TFAP2E: variants seen among roughly 807,000 people sequenced by gnomAD.
TFAP2E encodes the protein transcription factor AP-2 epsilon.
A neutral mutation model predicts 37.9 loss-of-function variants in TFAP2E; 30 were observed. The ratio of observed to expected loss-of-function variants is 0.79; its 90% CI spans 0.59 to 1.07. The LOEUF is 1.07. TFAP2E is among the 50% of genes least tolerant of loss of function. The pLI is 0.00. For missense variants in TFAP2E, 567 were observed against 637.9 expected, an observed-to-expected ratio of 0.89 and a Z score of 1.20; for synonymous variants, 318 against 295.8, an observed-to-expected ratio of 1.08 and a Z score of -0.77.
In TFAP2E at chr1:35,588,701, T is replaced by A; in HGVS notation, c.785+149T>A. 4.8e-6 allele frequency: 4 copies of A among 836,120 alleles called. No homozygotes were observed. The highest frequency in any genetic ancestry group is 5.2e-6 in the Non-Finnish European group (3 of 572,638). The allele number at this position is 836,120 out of a possible 1,614,324, so 51.8% of individuals were successfully genotyped here. On this transcript the variant is annotated intron_variant, in intron 4 of 6. Transcript: ENST00000373235. The surrounding 1 kb of genome is among the most constrained non-coding windows in gnomAD (Gnocchi z 5.1). ...GGCCCCGGGGACTCTGGATTGTGCA[T>A]GTTGTGGGGGCCGGCCCAGGTCCCT... is the stretch of plus-strand genomic sequence containing the variant.
intron 3 of TFAP2E, among the ~76,000 whole-genome samples, chr1:35,582,237 C>T (rs1339844100): frequency 6.6e-6 from 1 of 152,014 alleles, no homozygotes; most frequent in Non-Finnish European, 1.5e-5. Flanking sequence ...TTTGCATTTC[C>T]CTAATGACTA....
At chr1:35,587,636 CA>C (rs553131997) in intron 3 of TFAP2E, among the ~76,000 whole-genome samples, 993 of 51,362 alleles carry the variant, frequency 0.019, 3 homozygotes, top group Middle Eastern at 0.047. Context: ...GACTCCATCT[CA>C]AAAAAAAAAA....
chr1:35,583,051 T>C (rs1464620142), intron 3 of TFAP2E, among the ~76,000 whole-genome samples: 1 of 151,944 alleles, frequency 6.6e-6, no homozygotes, highest in Non-Finnish European at 1.5e-5. Flanking sequence ...TACAGGTGAG[T>C]GCCACCATGC....
chr1:35,586,508 C>G (rs1649485246), intron 3 of TFAP2E, among the ~76,000 whole-genome samples: 1 of 152,064 alleles, frequency 6.6e-6, no homozygotes, highest in African/African-American at 2.4e-5. Context: ...GTGACCAGAG[C>G]AAGGTCTGTG....
intron 6 of TFAP2E, among the ~76,000 whole-genome samples, chr1:35,591,559 C>G (rs747475444): frequency 1.9e-4 from 29 of 152,194 alleles, no homozygotes; most frequent in Admixed American, 1.3e-3. Context: ...TGTTTCCAAC[C>G]TCCCTGCACG....
At chr1:35,578,563 G>C (rs1025838690) in intron 3 of TFAP2E, among the ~76,000 whole-genome samples, 1 of 152,152 alleles carries the variant, frequency 6.6e-6, no homozygotes, top group Admixed American at 6.5e-5. Flanking sequence ...TGCCTACTTG[G>C]GGGTGGGGAA....
Position 35,590,155 on chromosome 1 carries a change from C to A in TFAP2E, c.904+107C>A. 1 of 1,028,278 alleles carries A rather than the reference C, an allele frequency of 9.7e-7. No homozygotes were observed. The highest frequency in any genetic ancestry group is 1.5e-6 in the Non-Finnish European group (1 of 664,652). 63.7% of individuals were successfully genotyped at this position (1,028,278 alleles called of 1,614,324 possible). On this transcript the variant is annotated intron_variant, in intron 5 of 6. Coordinates refer to ENST00000373235, the MANE Select transcript of TFAP2E (RefSeq NM_178548.4). This position sits in a 1 kb window ranked among gnomAD's most constrained non-coding sequence, Gnocchi z 6.2. Reference sequence around the variant, plus strand: ...GGTGTGTTTAGTGGTGTGTGTGTATCCGTGTAAGTGTTGCAGTATCTGTGT... The same window carrying A: ...GGTGTGTTTAGTGGTGTGTGTGTATACGTGTAAGTGTTGCAGTATCTGTGT...
At chr1:35,594,265 A>T (rs1370086224) in intron 6 of TFAP2E, 129 bp from the exon 7 acceptor site, 1 of 1,176,186 alleles carries the variant, frequency 8.5e-7, no homozygotes. Flanking sequence ...CAGTATGGTC[A>T]TCATTTGCAG....
chr1:35,580,307 A>G (rs1649312652), intron 3 of TFAP2E, among the ~76,000 whole-genome samples: 2 of 152,276 alleles, frequency 1.3e-5, no homozygotes, highest in African/African-American at 4.8e-5. Flanking sequence ...TAGGGAGGGC[A>G]TTTGCACATG....
At chr1:35,575,251 C>G (rs957611891) in intron 3 of TFAP2E, among the ~76,000 whole-genome samples, 1 of 152,198 alleles carries the variant, frequency 6.6e-6, no homozygotes, top group African/African-American at 2.4e-5. Context: ...GGCCTCTCCC[C>G]GCCGAGGGGG....
At chr1:35,594,272 G>A in intron 6 of TFAP2E, 122 bp from the exon 7 acceptor site, 1 of 1,243,682 alleles carries the variant, frequency 8.0e-7, no homozygotes, top group Non-Finnish European at 1.1e-6. Context: ...GTCATCATTT[G>A]CAGACTGTTG....
Position 35,588,637 on chromosome 1 carries a change from C to T in TFAP2E, c.785+85C>T. 2 of 1,344,156 alleles carry T rather than the reference C, an allele frequency of 1.5e-6. No homozygotes were observed. Among genetic ancestry groups the T allele is most frequent in the South Asian group, 1.5e-5 (1 of 68,824 alleles). The allele number at this position is 1,344,156 out of a possible 1,614,324, so 83.3% of individuals were successfully genotyped here. A position where few individuals can be genotyped will look rare whatever the true frequency, so the allele number is the denominator to read the frequency against. On this transcript the variant is annotated intron_variant, in intron 4 of 6. Transcript: ENST00000373235. This position sits in a 1 kb window ranked among gnomAD's most constrained non-coding sequence, Gnocchi z 5.1. ...TCAAGGCATCAGAGAGGAGGCCAGTCTCACCTAGGCCCTCTGCCTCAGTCT... is the reference window on the plus strand; with the variant it reads ...TCAAGGCATCAGAGAGGAGGCCAGTTTCACCTAGGCCCTCTGCCTCAGTCT...
chr1:35,573,480 C>A lies in TFAP2E; in HGVS notation c.-98C>A. On this transcript the variant is annotated 5_prime_UTR_variant, in exon 1 of 7. Coordinates refer to ENST00000373235, the MANE Select transcript of TFAP2E (RefSeq NM_178548.4). This position sits in a 1 kb window ranked among gnomAD's most constrained non-coding sequence, Gnocchi z 5.9. ...CACCCAGCTACCGCACCGTGACCTC[C>A]GCGGGCTGTGCCGGCTCCCGGCGCC... The A allele has an allele frequency of 7.3e-7, 1 of 1,374,864 alleles. No individual in the cohort carries two copies. The highest frequency in any genetic ancestry group is 9.4e-7 in the Non-Finnish European group (1 of 1,063,078). The allele number at this position is 1,374,864 out of a possible 1,614,324, so 85.2% of individuals were successfully genotyped here. A position where few individuals can be genotyped will look rare whatever the true frequency, so the allele number is the denominator to read the frequency against.
chr1:35,588,747 G>C lies in TFAP2E; in HGVS notation c.785+195G>C, dbSNP rs1049861720. On this transcript the variant is annotated intron_variant, in intron 4 of 6. Transcript: ENST00000373235. The surrounding 1 kb of genome is among the most constrained non-coding windows in gnomAD (Gnocchi z 5.1). ...TCCCTGGTGGCTGCCACATGTCTGT[G>C]GGTCTGGGGTAGGGAGGTGGGCAGA... is the stretch of plus-strand genomic sequence containing the variant. Among the ~76,000 whole-genome samples, 10 of 152,170 alleles carry C rather than the reference G, an allele frequency of 6.6e-5. No individual in the cohort carries two copies. Among genetic ancestry groups the C allele is most frequent in the Non-Finnish European group, 2.9e-5 (2 of 68,020 alleles).
intron 6 of TFAP2E, among the ~76,000 whole-genome samples, chr1:35,593,222 T>C (rs1649739029): frequency 6.6e-6 from 1 of 151,870 alleles, no homozygotes; most frequent in African/African-American, 2.4e-5. Flanking sequence ...GCACCTGTAG[T>C]CCCAGCTACT....
chr1:35,576,023 G>C (rs1023418057), intron 3 of TFAP2E, among the ~76,000 whole-genome samples: 1 of 152,238 alleles, frequency 6.6e-6, no homozygotes, highest in Non-Finnish European at 1.5e-5. Flanking sequence ...TTTGGGGCAG[G>C]TGCCCGAAAG....
At chr1:35,589,863 C>T in intron 4 of TFAP2E, 67 bp from the exon 5 acceptor site, 1 of 1,543,636 alleles carries the variant, frequency 6.5e-7, no homozygotes, top group South Asian at 1.1e-5. Context: ...CTTTGGCAGC[C>T]ACTTAGCTTC....
intron 2 of TFAP2E, 27 bp from the exon 3 acceptor site, chr1:35,574,922 C>G: frequency 6.2e-7 from 1 of 1,613,670 alleles, no homozygotes; most frequent in Non-Finnish European, 8.5e-7. Context: ...TTTATGCGCC[C>G]TCACCGCTGC....
intron 3 of TFAP2E, among the ~76,000 whole-genome samples, chr1:35,581,718 G>A (rs1296592857): frequency 1.3e-5 from 2 of 149,448 alleles, no homozygotes; most frequent in African/African-American, 5.0e-5. Flanking sequence ...GATTACAGGT[G>A]CGTGACACCA....
Sources: gnomAD v4.1 joint callset for allele counts (sites outside exome capture counted in the v4.1 genomes callset) on GRCh38, gnomAD v4.1.1 for gene constraint, Gnocchi (gnomAD v3.1) non-coding constraint, MANE v1.5 for transcripts, NCBI Gene and HGNC (gene_info 2026-07-23, HGNC 2026-07-21) for gene names.